The following PDZRN4 variants were observed in gnomAD, a reference collection of about 807,000 sequenced individuals.
PDZRN4 encodes the protein PDZ domain containing ring finger 4, also known as PDZ domain-containing RING finger protein 4.
A neutral mutation model predicts 99.0 loss-of-function variants in PDZRN4; 70 were observed. That is an observed-to-expected ratio of 0.71 (90% confidence interval 0.58 to 0.86). The LOEUF (loss-of-function observed/expected upper bound fraction) is 0.86. Ranked by LOEUF, PDZRN4 falls within the 40% of genes least tolerant of loss-of-function variation. PDZRN4 has a pLI of 0.00. For synonymous variants in PDZRN4, 551 were observed against 501.6 expected, an observed-to-expected ratio of 1.10 and a Z score of -1.32; for missense variants, 1,474 against 1,331.2, an observed-to-expected ratio of 1.11 and a Z score of -1.67.
intron 3 of PDZRN4, among the ~76,000 whole-genome samples, chr12:41,495,315 G>A (rs1429619874): frequency 6.6e-6 from 1 of 152,026 alleles, no homozygotes; most frequent in African/African-American, 2.4e-5. Flanking sequence ...TCAAGGGATG[G>A]GCAACGTCTA....
At chr12:41,247,010 C>CT (rs984972690) in intron 3 of PDZRN4, among the ~76,000 whole-genome samples, 7 of 151,244 alleles carry the variant, frequency 4.6e-5, no homozygotes, top group East Asian at 1.9e-4. Flanking sequence ...CCCTTTCTTC[C>CT]TTTTTTTTTC....
chr12:41,397,914 A>G (rs1319106295), intron 3 of PDZRN4, among the ~76,000 whole-genome samples: 1 of 152,128 alleles, frequency 6.6e-6, no homozygotes, highest in Non-Finnish European at 1.5e-5. Context: ...CCACTTATAG[A>G]GAAGAGAGGT....
In PDZRN4 at chr12:41,417,417, G is replaced by A. The variant is rs1033544949; in HGVS notation, c.844-89039G>A. Among the ~76,000 whole-genome samples the A allele has an allele frequency of 8.2e-4, 83 of 101,482 alleles. 3 individuals carry two copies. 66.6% of individuals were successfully genotyped at this position (101,482 alleles called of 152,430 possible). A position where few individuals can be genotyped will look rare whatever the true frequency, so the allele number is the denominator to read the frequency against. On this transcript the variant is annotated intron_variant, in intron 3 of 9. Transcript: ENST00000402685. ...AATCATTGACAATGCTAATAGTTTA[G>A]GAGATTTATATGATGATGTTCTTCC...
chr12:41,335,004 A>G (rs559918963), intron 3 of PDZRN4, among the ~76,000 whole-genome samples: 12 of 152,246 alleles, frequency 7.9e-5, no homozygotes, highest in African/African-American at 2.9e-4. Flanking sequence ...AACATTTTAA[A>G]GTAAAATGGG....
chr12:41,564,732 C>T (rs535133759), intron 8 of PDZRN4, among the ~76,000 whole-genome samples: 7 of 151,962 alleles, frequency 4.6e-5, no homozygotes, highest in Non-Finnish European at 7.4e-5. Flanking sequence ...GGGAAAAAAG[C>T]CCACAAAACC....
chr12:41,505,912 T>C (rs7307387), intron 3 of PDZRN4, among the ~76,000 whole-genome samples: 10,890 of 152,172 alleles, frequency 0.072, 945 homozygotes, highest in African/African-American at 0.19. Context: ...TTTCATGTGA[T>C]GCTGATGCTG....
At chr12:41,530,993 G>A (rs1938651261) in intron 5 of PDZRN4, among the ~76,000 whole-genome samples, 1 of 151,954 alleles carries the variant, frequency 6.6e-6, no homozygotes, top group South Asian at 2.1e-4. Context: ...AGTGTCTAGG[G>A]GTAGATATTT....
At chr12:41,352,690 G>A (rs1951899500) in intron 3 of PDZRN4, among the ~76,000 whole-genome samples, 3 of 152,042 alleles carry the variant, frequency 2.0e-5, no homozygotes, top group Admixed American at 2.0e-4. Flanking sequence ...GTACGTGGAG[G>A]TGGGTGATTC....
At position 41,253,347 on chromosome 12, in the gene PDZRN4, ATGGT is replaced by A. The variant is rs1378065973; in HGVS notation, c.843+59160_843+59163del. 2.6e-5 allele frequency among the ~76,000 whole-genome samples: 4 copies of A among 152,322 alleles called. No individual in the cohort carries two copies. In the East Asian group the frequency reaches 7.7e-4, roughly 29 times the overall value. On this transcript the variant is annotated intron_variant, in intron 3 of 9. Transcript: ENST00000402685. ...ACCCATTTTGATTTGATTTTTATGAATGGTAAGAGACAGGGTTCTAGTTTCATTC... is the reference window on the plus strand; with the variant it reads ...ACCCATTTTGATTTGATTTTTATGAAAAGAGACAGGGTTCTAGTTTCATTC...
intron 5 of PDZRN4, among the ~76,000 whole-genome samples, chr12:41,521,080 A>G (rs1938485580): frequency 6.6e-6 from 1 of 152,168 alleles, no homozygotes; most frequent in African/African-American, 2.4e-5. Flanking sequence ...GCTCTGCAGT[A>G]GAAGTTATTC....
chr12:41,274,163 G>A (rs1253470140), intron 3 of PDZRN4, among the ~76,000 whole-genome samples: 1 of 151,882 alleles, frequency 6.6e-6, no homozygotes, highest in Admixed American at 6.6e-5. Flanking sequence ...CAAAAAGTAG[G>A]TCATCCTAAT....
chr12:41,239,658 C>T (rs935433237), intron 3 of PDZRN4, among the ~76,000 whole-genome samples: 5 of 152,084 alleles, frequency 3.3e-5, no homozygotes, highest in Non-Finnish European at 7.4e-5. Flanking sequence ...TGACAAAAGA[C>T]ACATCAAATA....
In PDZRN4 at chr12:41,524,564, C is replaced by T. The variant is rs372076258; in HGVS notation, c.1203+14651C>T. 1.8e-4 allele frequency among the ~76,000 whole-genome samples: 28 copies of T among 151,924 alleles called. No homozygotes were observed. In the South Asian group the frequency reaches 2.5e-3, roughly 14 times the overall value. ...AGGAAAGAAGGAGCTCAATGTACTA[C>T]GCAAAGAAAAAGGCCAGAGTTGTTG... On this transcript the variant is annotated intron_variant, in intron 5 of 9. Coordinates refer to ENST00000402685, the MANE Select transcript of PDZRN4 (RefSeq NM_001164595.2).
chr12:41,462,996 G>A (rs1382775175), intron 3 of PDZRN4, among the ~76,000 whole-genome samples: 1 of 152,164 alleles, frequency 6.6e-6, no homozygotes, highest in Non-Finnish European at 1.5e-5. Context: ...TTCTGTCCAT[G>A]ATAGGCACAG....
chr12:41,398,004 G>C (rs1832726808), intron 3 of PDZRN4, among the ~76,000 whole-genome samples: 1 of 152,046 alleles, frequency 6.6e-6, no homozygotes, highest in South Asian at 2.1e-4. Flanking sequence ...CAGCCCGGGG[G>C]ACCTTGGGAA....
chr12:41,494,337 T>C (rs1472043063), intron 3 of PDZRN4, among the ~76,000 whole-genome samples: 1 of 152,130 alleles, frequency 6.6e-6, no homozygotes, highest in Non-Finnish European at 1.5e-5. Context: ...CTTCAGCAAG[T>C]TGCTTAAGTT....
intron 8 of PDZRN4, among the ~76,000 whole-genome samples, chr12:41,564,497 A>G (rs1245157796): frequency 6.6e-6 from 1 of 152,178 alleles, no homozygotes. Flanking sequence ...CTCCTCGGTT[A>G]TTGATATGAT....
chr12:41,197,920 G>GTTTTTTTT lies in PDZRN4; in HGVS notation c.843+3736_843+3743dup, dbSNP rs533696414. Among the ~76,000 whole-genome samples the GTTTTTTTT allele has an allele frequency of 1.4e-4, 16 of 115,616 alleles. 1 individual carries two copies. The highest frequency in any genetic ancestry group is 3.6e-4 in the African/African-American group (11 of 30,452). 75.8% of individuals were successfully genotyped at this position (115,616 alleles called of 152,430 possible). On this transcript the variant is annotated intron_variant, in intron 3 of 9. Transcript: ENST00000402685. ...TTCTTCTTTTCCTTGTTTTTTCTGG[G>GTTTTTTTT]TTTTTTTTTTTGGAGACAGGATCTT...
chr12:41,568,401 A>T (rs371701331), intron 9 of PDZRN4, among the ~76,000 whole-genome samples: 1 of 152,270 alleles, frequency 6.6e-6, no homozygotes, highest in East Asian at 1.9e-4. Context: ...AATCGTAGAG[A>T]TTATCCTTGG....
Sources: gnomAD v4.1 joint callset for allele counts (sites outside exome capture counted in the v4.1 genomes callset) on GRCh38, gnomAD v4.1.1 for gene constraint, MANE v1.5 for transcripts, NCBI Gene and HGNC (gene_info 2026-07-23, HGNC 2026-07-21) for gene names.